MFHAS1: variants seen among roughly 807,000 people sequenced by gnomAD.
The protein encoded by MFHAS1 is malignant fibrous histiocytoma-amplified sequence 1.
Under a neutral mutation model 70.4 loss-of-function variants are expected in MFHAS1, and 50 were observed. The ratio of observed to expected loss-of-function variants is 0.71; its 90% CI spans 0.57 to 0.90. The LOEUF (loss-of-function observed/expected upper bound fraction) is 0.90. Among genes scored for constraint, MFHAS1 ranks in the 40% least tolerant of loss-of-function variants. The pLI is 0.00. For missense variants in MFHAS1, 1,795 were observed against 1,347.6 expected (o/e 1.33, Z -5.20); for synonymous variants, 952 against 620.0 (o/e 1.54, Z -7.96).
At chr8:8,807,277 C>G (rs1222522265) in intron 1 of MFHAS1, among the ~76,000 whole-genome samples, 1 of 152,070 alleles carries the variant, frequency 6.6e-6, no homozygotes, top group East Asian at 1.9e-4. Context: ...GAAAAAAAGC[C>G]TGACGAATGT....
At chr8:8,822,681 G>A (rs1807008455) in intron 1 of MFHAS1, among the ~76,000 whole-genome samples, 1 of 148,344 alleles carries the variant, frequency 6.7e-6, no homozygotes, top group South Asian at 2.3e-4. Flanking sequence ...ACGGGGACAG[G>A]GACCAAGTCA....
chr8:8,825,085 C>G (rs1404944971), intron 1 of MFHAS1, among the ~76,000 whole-genome samples: 3 of 152,234 alleles, frequency 2.0e-5, no homozygotes, highest in Non-Finnish European at 4.4e-5. Context: ...GCTCCCCTCA[C>G]AAAGTGTAAA....
At chr8:8,788,248 C>A (rs1206423145) in intron 2 of MFHAS1, among the ~76,000 whole-genome samples, 1 of 152,224 alleles carries the variant, frequency 6.6e-6, no homozygotes, top group Middle Eastern at 3.2e-3. Flanking sequence ...ATCCTCAACA[C>A]CCGGCCCAAT....
chr8:8,833,079 GAAGA>G (rs1807466961), intron 1 of MFHAS1, among the ~76,000 whole-genome samples: 1 of 152,110 alleles, frequency 6.6e-6, no homozygotes, highest in Non-Finnish European at 1.5e-5. Flanking sequence ...GGAGCAGGAG[GAAGA>G]AAGAGAAGGG....
intron 1 of MFHAS1, among the ~76,000 whole-genome samples, chr8:8,827,503 A>G (rs1389381713): frequency 6.6e-6 from 1 of 152,228 alleles, no homozygotes; most frequent in Admixed American, 6.5e-5. Context: ...TGCATTTTTA[A>G]ACAAAGTGAA....
intron 1 of MFHAS1, among the ~76,000 whole-genome samples, chr8:8,818,445 G>A (rs1327720367): frequency 6.6e-6 from 1 of 152,194 alleles, no homozygotes. Flanking sequence ...AAGAGAAGGA[G>A]AAGGACTGTA....
At chr8:8,872,524 C>T (rs2116911950) in intron 1 of MFHAS1, among the ~76,000 whole-genome samples, 1 of 152,296 alleles carries the variant, frequency 6.6e-6, no homozygotes, top group African/African-American at 2.4e-5. Context: ...GTTATCAGCC[C>T]TGGTAATCAA....
chr8:8,807,098 G>A (rs941867942), intron 1 of MFHAS1, among the ~76,000 whole-genome samples: 1 of 152,088 alleles, frequency 6.6e-6, no homozygotes, highest in East Asian at 1.9e-4. Context: ...TTTGAAAGCT[G>A]AGCGGCCCCT....
intron 1 of MFHAS1, among the ~76,000 whole-genome samples, chr8:8,835,747 T>A (rs558094486): frequency 1.3e-5 from 2 of 152,376 alleles, no homozygotes; most frequent in Non-Finnish European, 2.9e-5. Context: ...TTATACTACG[T>A]AGAAGAGTCA....
At chr8:8,845,103 C>T (rs557699876) in intron 1 of MFHAS1, among the ~76,000 whole-genome samples, 122 of 152,244 alleles carry the variant, frequency 8.0e-4, no homozygotes, top group African/African-American at 2.7e-3. Context: ...TTTAGAGTTA[C>T]GAACAGAAAT....
intron 1 of MFHAS1, among the ~76,000 whole-genome samples, chr8:8,822,461 CA>C (rs1259637562): frequency 2.0e-5 from 3 of 147,822 alleles, no homozygotes; most frequent in East Asian, 4.0e-4. Flanking sequence ...GGGACCAAGT[CA>C]GGGGGGATTG....
intron 2 of MFHAS1, chr8:8,790,375 G>A (rs1174825694): frequency 1.0e-5 from 10 of 984,872 alleles, no homozygotes; most frequent in Non-Finnish European, 1.2e-5. Flanking sequence ...TAAAAATGAT[G>A]GCATAAGGAA....
intron 1 of MFHAS1, among the ~76,000 whole-genome samples, chr8:8,833,779 A>G (rs999203925): frequency 1.3e-5 from 2 of 152,188 alleles, no homozygotes; most frequent in Non-Finnish European, 2.9e-5. Flanking sequence ...TCACATTGCC[A>G]AAAAAATGAG....
At chr8:8,878,808 G>C (rs1302211686) in intron 1 of MFHAS1, among the ~76,000 whole-genome samples, 3 of 152,080 alleles carry the variant, frequency 2.0e-5, no homozygotes, top group Non-Finnish European at 4.4e-5. Context: ...CTTCATTTTA[G>C]GAATAAGGAG....
chr8:8,871,142 C>T (rs1809060585), intron 1 of MFHAS1, among the ~76,000 whole-genome samples: 1 of 152,184 alleles, frequency 6.6e-6, no homozygotes, highest in Non-Finnish European at 1.5e-5. Context: ...GGCTCTGCTA[C>T]ATGCTGTGTG....
chr8:8,885,214 T>A (rs1809708111), intron 1 of MFHAS1, among the ~76,000 whole-genome samples: 1 of 152,144 alleles, frequency 6.6e-6, no homozygotes. Context: ...CAAAAAGGCA[T>A]CAAGTTACTG....
At chr8:8,882,307 T>C (rs559957009) in intron 1 of MFHAS1, among the ~76,000 whole-genome samples, 3 of 152,110 alleles carry the variant, frequency 2.0e-5, no homozygotes, top group Non-Finnish European at 4.4e-5. Flanking sequence ...GGAGAATCAC[T>C]TGAACCCAGG....
chr8:8,810,717 A>G (rs574536414), intron 1 of MFHAS1, among the ~76,000 whole-genome samples: 1 of 152,364 alleles, frequency 6.6e-6, no homozygotes, highest in South Asian at 2.1e-4. Context: ...TCCAGTCAAC[A>G]ATAGGCTATC....
At chr8:8,793,205 T>G (rs1027906991) in intron 2 of MFHAS1, among the ~76,000 whole-genome samples, 3 of 152,230 alleles carry the variant, frequency 2.0e-5, no homozygotes, top group African/African-American at 7.2e-5. Flanking sequence ...ACCTACTTCT[T>G]ATTCTCTGTC....
Sources: gnomAD v4.1 joint callset for allele counts (sites outside exome capture counted in the v4.1 genomes callset) on GRCh38, gnomAD v4.1.1 for gene constraint, MANE v1.5 for transcripts, NCBI Gene and HGNC (gene_info 2026-07-23, HGNC 2026-07-21) for gene names.